Variants in CTNNA3 observed in about 807,000 individuals in gnomAD.
CTNNA3 encodes the protein catenin alpha-3.
Under a neutral mutation model 95.7 loss-of-function variants are expected in CTNNA3, and 76 were observed. The ratio of observed to expected loss-of-function variants is 0.79; its 90% CI spans 0.66 to 0.96. CTNNA3 has a LOEUF of 0.96. Among genes scored for constraint, CTNNA3 ranks in the 40% least tolerant of loss-of-function variants. CTNNA3 has a pLI of 0.00. For missense variants in CTNNA3, 1,191 were observed against 1,089.8 expected (o/e 1.09, Z -1.31); for synonymous variants, 431 against 374.4 (o/e 1.15, Z -1.74).
chr10:67,120,435 G>A (rs903019000), intron 7 of CTNNA3, among the ~76,000 whole-genome samples: 18 of 151,888 alleles, frequency 1.2e-4, no homozygotes, highest in Non-Finnish European at 2.1e-4. Flanking sequence ...CAAGTTGAAG[G>A]GAGAAGAAGT....
At chr10:66,887,171 T>C (rs1203598703) in intron 7 of CTNNA3, among the ~76,000 whole-genome samples, 2 of 152,154 alleles carry the variant, frequency 1.3e-5, no homozygotes, top group African/African-American at 4.8e-5. Flanking sequence ...TTAACAGTTA[T>C]ACAATATATA....
At chr10:67,274,076 A>C (rs1839090963) in intron 5 of CTNNA3, among the ~76,000 whole-genome samples, 1 of 152,242 alleles carries the variant, frequency 6.6e-6, no homozygotes, top group Admixed American at 6.5e-5. Context: ...ACATTGGAAA[A>C]TAACTATAAA....
chr10:66,973,686 C>T lies in CTNNA3; in HGVS notation c.1048-198162G>A, dbSNP rs7074374. Among the ~76,000 whole-genome samples the T allele has an allele frequency of 8.5e-3, 1,295 of 152,158 alleles. 14 individuals carry two copies. The highest frequency in any genetic ancestry group is 0.024 in the Middle Eastern group (7 of 294). ...TCACCCCAGCTGGAGTACAGTGGTG[C>T]GATCTCGGCTCACTGCAACCTCCAT... On this transcript the variant is annotated intron_variant, in intron 7 of 17. Transcript: ENST00000433211.
chr10:66,929,131 C>G (rs552278353), intron 7 of CTNNA3, among the ~76,000 whole-genome samples: 1 of 152,168 alleles, frequency 6.6e-6, no homozygotes, highest in Non-Finnish European at 1.5e-5. Flanking sequence ...GAGGAGATGA[C>G]AAAAATGTAA....
chr10:67,013,724 A>C (rs189961437), intron 7 of CTNNA3, among the ~76,000 whole-genome samples: 1 of 152,332 alleles, frequency 6.6e-6, no homozygotes, highest in East Asian at 1.9e-4. Context: ...CAGTATAATC[A>C]AAATTTTCCT....
At chr10:66,788,241 G>A (rs1037406214) in intron 7 of CTNNA3, among the ~76,000 whole-genome samples, 4 of 152,046 alleles carry the variant, frequency 2.6e-5, no homozygotes, top group African/African-American at 9.7e-5. Flanking sequence ...CACTGAGTGG[G>A]TGCAAACTGA....
rs59276660 is a variant in CTNNA3 at position 66,465,163 on chromosome 10, AC to A, written c.1531+55453del. Reference sequence around the variant, plus strand: ...AATGTCCCAATAGATACATTGTAAAACTTAACCACACATAGAACATAGTGTG... The same window carrying A: ...AATGTCCCAATAGATACATTGTAAAATTAACCACACATAGAACATAGTGTG... On this transcript the variant is annotated intron_variant, in intron 11 of 17. Transcript: ENST00000433211. 4.0e-3 allele frequency among the ~76,000 whole-genome samples: 608 copies of A among 152,262 alleles called. 7 individuals are homozygous for A. Among genetic ancestry groups the A allele is most frequent in the African/African-American group, 0.014 (595 of 41,554 alleles).
intron 9 of CTNNA3, among the ~76,000 whole-genome samples, chr10:66,684,260 C>G: frequency 6.6e-6 from 1 of 151,600 alleles, no homozygotes; most frequent in South Asian, 2.1e-4. Flanking sequence ...TGCTACATAT[C>G]CTATAATGCA....
At position 67,312,045 on chromosome 10, in the gene CTNNA3, G is replaced by T. The variant is rs747758881; in HGVS notation, c.580-92175C>A. Among the ~76,000 whole-genome samples the T allele has an allele frequency of 4.1e-4, 62 of 150,510 alleles. 1 individual carries two copies. The highest frequency in any genetic ancestry group is 7.8e-4 in the East Asian group (4 of 5,122). Reference sequence around the variant, plus strand: ...TTTTTTAAAGTGTTAAGTCTGCAAGGCTTGTGAAAAAATATATACATTTAA... The same window carrying T: ...TTTTTTAAAGTGTTAAGTCTGCAAGTCTTGTGAAAAAATATATACATTTAA... On this transcript the variant is annotated intron_variant, in intron 5 of 17. Transcript: ENST00000433211.
chr10:65,993,804 C>T (rs2078593189), intron 15 of CTNNA3, among the ~76,000 whole-genome samples: 1 of 152,148 alleles, frequency 6.6e-6, no homozygotes, highest in Admixed American at 6.5e-5. Flanking sequence ...GGCACAATCT[C>T]AGCTCACTGC....
intron 1 of CTNNA3, among the ~76,000 whole-genome samples, chr10:67,651,030 C>A (rs1839864598): frequency 6.6e-6 from 1 of 151,864 alleles, no homozygotes; most frequent in African/African-American, 2.4e-5. Flanking sequence ...AACTACAATT[C>A]TTTTACATAA....
chr10:67,381,043 G>C (rs1564612190), intron 5 of CTNNA3, among the ~76,000 whole-genome samples: 1 of 152,058 alleles, frequency 6.6e-6, no homozygotes, highest in Non-Finnish European at 1.5e-5. Context: ...TGCTGATTGA[G>C]TATCTCCTTG....
intron 7 of CTNNA3, among the ~76,000 whole-genome samples, chr10:66,840,368 TCTCTCACA>T (rs1468320034): frequency 5.4e-3 from 434 of 80,052 alleles, no homozygotes; most frequent in African/African-American, 0.022. Flanking sequence ...TCTCTCTCTC[TCTCTCACA>T]CACACACACA....
intron 11 of CTNNA3, among the ~76,000 whole-genome samples, chr10:66,498,428 C>T (rs1840169419): frequency 6.6e-6 from 1 of 151,986 alleles, no homozygotes; most frequent in Non-Finnish European, 1.5e-5. Flanking sequence ...AAGGATTTTC[C>T]TTTTGTTCAT....
intron 10 of CTNNA3, among the ~76,000 whole-genome samples, chr10:66,554,557 AT>A (rs200849413): frequency 1.3e-4 from 19 of 151,582 alleles, no homozygotes; most frequent in Non-Finnish European, 2.5e-4. Flanking sequence ...GTATCTTTGC[AT>A]TTTTTTTCTG....
At chr10:66,970,565 T>C (rs1849666028) in intron 7 of CTNNA3, among the ~76,000 whole-genome samples, 1 of 151,906 alleles carries the variant, frequency 6.6e-6, no homozygotes, top group South Asian at 2.1e-4. Context: ...TTACATAAAT[T>C]CTAATAATGC....
At chr10:66,144,627 A>C (rs1223497646) in intron 13 of CTNNA3, among the ~76,000 whole-genome samples, 31 of 152,062 alleles carry the variant, frequency 2.0e-4, no homozygotes, top group Admixed American at 2.0e-3. Flanking sequence ...AGCTGAGATT[A>C]CAGGGACCAG....
In CTNNA3 at chr10:66,927,204, T is replaced by C. The variant is rs1406798926; in HGVS notation, c.1048-151680A>G. 4 of 1,614,084 alleles carry C rather than the reference T, an allele frequency of 2.5e-6. No individual in the cohort carries two copies. In the African/African-American group the frequency reaches 4.0e-5, roughly 16 times the overall value. On this transcript the variant is annotated intron_variant, in intron 7 of 17. Transcript: ENST00000433211. The surrounding 1 kb of genome is among the most constrained non-coding windows in gnomAD (Gnocchi z 4.7). ...CCTGGCTATACCTTGACCATAACCATATCAGCAATATTGACGAAAATGCTT... is the reference window on the plus strand; with the variant it reads ...CCTGGCTATACCTTGACCATAACCACATCAGCAATATTGACGAAAATGCTT...
At chr10:66,380,387 A>G (rs1165424581) in intron 11 of CTNNA3, among the ~76,000 whole-genome samples, 3 of 152,024 alleles carry the variant, frequency 2.0e-5, no homozygotes, top group African/African-American at 4.8e-5. Context: ...AGGAAGGAGG[A>G]TGACTTGGGG....
Sources: allele counts gnomAD v4.1 joint callset (sites outside exome capture counted in the v4.1 genomes callset), GRCh38; gene constraint gnomAD v4.1.1; non-coding constraint Gnocchi (gnomAD v3.1); transcripts MANE v1.5; gene names NCBI Gene and HGNC (gene_info 2026-07-23, HGNC 2026-07-21).